AJUBA: variants seen among roughly 807,000 people sequenced by gnomAD.
The protein encoded by AJUBA is LIM domain-containing protein ajuba.
AJUBA carries 20 observed loss-of-function variants against 53.3 expected under a neutral mutation model. The ratio of observed to expected loss-of-function variants is 0.38; its 90% CI spans 0.26 to 0.55. AJUBA has a LOEUF of 0.55. AJUBA is among the 20% of genes least tolerant of loss of function. The pLI, the probability that AJUBA is intolerant of heterozygous loss-of-function variation, is 0.80. For synonymous variants in AJUBA, 296 were observed against 306.2 expected, an observed-to-expected ratio of 0.97 and a Z score of 0.35; for missense variants, 580 against 730.5, an observed-to-expected ratio of 0.79 and a Z score of 2.38.
rs1268486282 is a variant in AJUBA at position 22,982,243 on chromosome 14, G to A, written c.24C>T (p.Ala8=). The A allele has an allele frequency of 1.2e-6, 2 of 1,613,936 alleles. No individual in the cohort carries two copies. The highest frequency in any genetic ancestry group is 1.7e-6 in the Non-Finnish European group (2 of 1,179,914). ...GGCCGAACTTCTCCAGCAGGCGACT[G>A]GCTTTCTCTCCTAACCGCTCCATGC... MERLGEK[A]SRLLEKFGRR... is the part of the protein sequence containing the mutation. The change falls in exon 1 of 8, where the codon GCC becomes GCT. Residue 8 remains alanine, a synonymous_variant. Transcript: ENST00000262713.
At chr14:22,976,919 C>T (rs568641435) in intron 2 of AJUBA, 3 of 1,406,020 alleles carry the variant, frequency 2.1e-6, no homozygotes, top group Non-Finnish European at 1.8e-6. Context: ...TTCCCCTCTC[C>T]TCTGCTTGCT....
In AJUBA at chr14:22,981,342, G is replaced by A; in HGVS notation, c.925C>T (p.Leu309=). Residue 309 remains leucine, a synonymous_variant, in exon 1 of 8, where the codon CTG becomes TTG. Transcript: ENST00000262713. ...ACGAAAGGACCTGGTGGCTCCTCCA[G>A]ACCCGACGGCTCAATCCCCGAGGGT... The part of the protein sequence containing the change: ...GEPSGIEPSG[L]EEPPGPFVPE... The A allele has an allele frequency of 1.2e-6, 2 of 1,613,386 alleles. No individual in the cohort carries two copies. Among genetic ancestry groups the A allele is most frequent in the Non-Finnish European group, 1.7e-6 (2 of 1,179,968 alleles).
Position 22,982,111 on chromosome 14 carries a change from A to G in AJUBA, c.156T>C (p.Ala52=), listed in dbSNP as rs774916338. The change falls in exon 1 of 8, where the codon GCT becomes GCC. Residue 52 remains alanine (A), a synonymous_variant. Transcript: ENST00000262713. ...GGPRKSGPRG[A]TGGPGDEPLE... is the part of the protein sequence containing the mutation. ...ACGGCTCATCCCCAGGTCCCCCAGT[A>G]GCTCCTCGGGGCCCTGACTTCCTAG... 1.9e-6 allele frequency: 3 copies of G among 1,597,788 alleles called. No homozygotes were observed. The South Asian group carries it at 3.4e-5, about 18-fold the overall frequency.
intron 2 of AJUBA, chr14:22,976,987 G>A: frequency 7.5e-7 from 1 of 1,334,892 alleles, no homozygotes; most frequent in Non-Finnish European, 9.6e-7. Flanking sequence ...TAAACAAACT[G>A]CCTTCCTCTC....
intron 1 of AJUBA, among the ~76,000 whole-genome samples, chr14:22,980,070 A>G (rs948570338): frequency 6.6e-6 from 1 of 151,564 alleles, no homozygotes; most frequent in Non-Finnish European, 1.5e-5. Flanking sequence ...CTCCTACCCA[A>G]CCATCCCTCC....
Position 22,981,741 on chromosome 14 carries a change from G to T in AJUBA, c.526C>A (p.Pro176Thr). ...SMGYDQRHGS[P>T]LPAGPCLFGP... Reference sequence around the variant, plus strand: ...AACAGGCACGGCCCCGCTGGCAAGGGGCTCCCGTGGCGCTGGTCGTAGCCC... The same window carrying T: ...AACAGGCACGGCCCCGCTGGCAAGGTGCTCCCGTGGCGCTGGTCGTAGCCC... Residue 176 changes from proline to threonine, a missense_variant, in exon 1 of 8, where the codon CCC becomes ACC. This residue lies in a region of AJUBA where 430 missense variants were observed against 471.5 expected (regional missense o/e 0.91). Coordinates refer to ENST00000262713, the MANE Select transcript of AJUBA (RefSeq NM_032876.6). The T allele has an allele frequency of 2.0e-6, 3 of 1,533,728 alleles. No individual in the cohort carries two copies. The highest frequency in any genetic ancestry group is 2.6e-6 in the Non-Finnish European group (3 of 1,145,274).
chr14:22,978,790 C>G (rs1482304079), intron 1 of AJUBA: 1 of 1,208,390 alleles, frequency 8.3e-7, no homozygotes, highest in African/African-American at 1.6e-5. Context: ...GGTATGATCT[C>G]TGTTGCAGTG....
At chr14:22,981,236 G>T in intron 1 of AJUBA, 25 bp downstream of exon 1, 2 of 1,568,460 alleles carry the variant, frequency 1.3e-6, no homozygotes, top group Non-Finnish European at 1.7e-6. Context: ...GTCCCTTCCC[G>T]TCCCTAACCA....
In AJUBA at chr14:22,971,879, A is replaced by G. The variant is rs1425824367; in HGVS notation, c.*1564T>C. 6.6e-6 allele frequency: 1 copy of G among 152,644 alleles called. No homozygotes were observed. The highest frequency in any genetic ancestry group is 1.5e-5 in the Non-Finnish European group (1 of 68,042). 9.5% of individuals were successfully genotyped at this position (152,644 alleles called of 1,614,324 possible). A position where few individuals can be genotyped will look rare whatever the true frequency, so the allele number is the denominator to read the frequency against. On this transcript the variant is annotated 3_prime_UTR_variant, in exon 8 of 8. Coordinates refer to ENST00000262713, the MANE Select transcript of AJUBA (RefSeq NM_032876.6). ...TTTTAAAAAAGTTTTTGAATGGTAG[A>G]TAACATAGAAAAAGACATCCATAAA...
rs2045060068 is a variant in AJUBA at position 22,978,653 on chromosome 14, T to C, written c.1007-208A>G. On this transcript the variant is annotated intron_variant, in intron 1 of 7. Transcript: ENST00000262713. ...TGTTTATTTAATTACTCAACAGATA[T>C]TTTCTGAGCATCTGTTTTGTGCTTA... 7 of 1,345,828 alleles carry C rather than the reference T, an allele frequency of 5.2e-6. No individual in the cohort carries two copies. The East Asian group carries it at 1.5e-4, about 29-fold the overall frequency. 83.4% of individuals were successfully genotyped at this position (1,345,828 alleles called of 1,614,324 possible).
At chr14:22,976,542 G>A (rs1474461464) in intron 3 of AJUBA, 24 bp from the exon 4 acceptor site, 8 of 1,613,880 alleles carry the variant, frequency 5.0e-6, no homozygotes, top group South Asian at 2.2e-5. Context: ...CAAGACGAAC[G>A]GAGGCTGTTA....
At chr14:22,975,474 G>C (rs1024383436) in intron 4 of AJUBA, among the ~76,000 whole-genome samples, 2 of 152,182 alleles carry the variant, frequency 1.3e-5, no homozygotes, top group South Asian at 2.1e-4. Context: ...AGGCTACCAT[G>C]ATTGAGAATC....
rs1030784637 is a variant in AJUBA, at chr14:22,972,744, T to A, written c.*699A>T. 4 of 152,602 alleles carry A rather than the reference T, an allele frequency of 2.6e-5. No homozygotes were observed. The highest frequency in any genetic ancestry group is 1.3e-4 in the Admixed American group (2 of 15,280). 9.5% of individuals were successfully genotyped at this position (152,602 alleles called of 1,614,324 possible). ...CCAGATATAGGTGCGGGACCCCATA[T>A]CTGACACCATGTGTCACAAAAAGTG... is the stretch of plus-strand genomic sequence containing the variant. On this transcript the variant is annotated 3_prime_UTR_variant, in exon 8 of 8. Coordinates refer to ENST00000262713, the MANE Select transcript of AJUBA (RefSeq NM_032876.6).
intron 1 of AJUBA, 100 bp downstream of exon 1, chr14:22,981,161 C>G: frequency 7.0e-7 from 1 of 1,436,320 alleles, no homozygotes; most frequent in African/African-American, 1.4e-5. Context: ...CGCGTCTTCA[C>G]CTCGGACCCC....
rs1350822302 is a variant in AJUBA, at chr14:22,979,082, C to A, written c.1007-637G>T. 1 of 1,285,644 alleles carries A rather than the reference C, an allele frequency of 7.8e-7. No homozygotes were observed. Among genetic ancestry groups the A allele is most frequent in the Non-Finnish European group, 1.0e-6 (1 of 987,350 alleles). The allele number at this position is 1,285,644 out of a possible 1,614,324, so 79.6% of individuals were successfully genotyped here. A position where few individuals can be genotyped will look rare whatever the true frequency, so the allele number is the denominator to read the frequency against. ...AGAATGCAGGGTGTGTTCCAGGAAC[C>A]AGGGTTGAACAGGAAAGCAGGGAGA... On this transcript the variant is annotated intron_variant, in intron 1 of 7. Transcript: ENST00000262713. This position sits in a 1 kb window ranked among gnomAD's most constrained non-coding sequence, Gnocchi z 4.0.
chr14:22,980,816 C>T, intron 1 of AJUBA: 1 of 297,742 alleles, frequency 3.4e-6, no homozygotes, highest in Non-Finnish European at 5.0e-6. Flanking sequence ...CGCGGCCAGC[C>T]TGCCCCGCCC....
Position 22,982,527 on chromosome 14 carries a change from T to TGTTC in AJUBA, c.-265_-262dup. The TGTTC allele has an allele frequency of 7.5e-7, 1 of 1,337,180 alleles. No homozygotes were observed. The highest frequency in any genetic ancestry group is 9.6e-7 in the Non-Finnish European group (1 of 1,046,326). The allele number at this position is 1,337,180 out of a possible 1,614,324, so 82.8% of individuals were successfully genotyped here. On this transcript the variant is annotated 5_prime_UTR_variant, in exon 1 of 8. Transcript: ENST00000262713. The stretch of plus-strand genomic sequence containing the variant: ...CGGCTGTCCAGTCCGCAGGTCTATC[T>TGTTC]GTTCACGCGTCGACTCGCCCGACTG...
Position 22,981,867 on chromosome 14 carries a change from T to C in AJUBA, c.400A>G (p.Lys134Glu). 1 of 1,535,184 alleles carries C rather than the reference T, an allele frequency of 6.5e-7. No individual in the cohort carries two copies. Among genetic ancestry groups the C allele is most frequent in the Non-Finnish European group, 8.7e-7 (1 of 1,146,286 alleles). ...FASSSASDAS[K>E]PSSPRGSLLL... ...AGGCTGCCCCGGGGGCTGGACGGCT[T>C]GCTCGCGTCGCTGGCCGAGCTACTG... Residue 134 changes from lysine to glutamate, a missense_variant, in exon 1 of 8, where the codon AAG (lysine) becomes GAG (glutamate). Transcript: ENST00000262713.
chr14:22,978,187 G>A (rs2045055127), intron 2 of AJUBA, among the ~76,000 whole-genome samples, 157 bp downstream of exon 2: 1 of 152,232 alleles, frequency 6.6e-6, no homozygotes. Context: ...AGCAAGAGAG[G>A]CAGAGCAGCT....
Sources: gnomAD v4.1 joint callset for allele counts (sites outside exome capture counted in the v4.1 genomes callset) on GRCh38, gnomAD v4.1.1 for gene constraint, gnomAD v4.1.1 regional missense constraint, Gnocchi (gnomAD v3.1) non-coding constraint, MANE v1.5 for transcripts, NCBI Gene and HGNC (gene_info 2026-07-23, HGNC 2026-07-21) for gene names.